LIPI: variants seen among roughly 807,000 people sequenced by gnomAD.
LIPI encodes the protein lipase member I.
In LIPI, 59 loss-of-function variants were observed where a neutral mutation model predicts 50.6. That is an observed-to-expected ratio of 1.16 (90% CI 0.94 to 1.45). The LOEUF (loss-of-function observed/expected upper bound fraction) is 1.45. Ranked by LOEUF, LIPI falls within the 40% of genes most tolerant of loss-of-function variation. The probability of loss-of-function intolerance (pLI) is 0.00; values close to 1 mark genes in which losing one functional copy is unlikely to be tolerated. For synonymous variants in LIPI, 203 were observed against 178.2 expected (o/e 1.14, Z -1.11); for missense variants, 586 against 536.3 (o/e 1.09, Z -0.92).
intron 4 of LIPI, among the ~76,000 whole-genome samples, chr21:14,176,079 G>A (rs938942962): frequency 2.6e-5 from 4 of 151,612 alleles, no homozygotes; most frequent in Non-Finnish European, 5.9e-5. Context: ...TCGGGAGGCT[G>A]AGGCAGGAGA....
Position 14,166,385 on chromosome 21 carries a change from C to A in LIPI, c.710G>T (p.Gly237Val). The A allele has an allele frequency of 1.2e-6, 2 of 1,600,220 alleles. No homozygotes were observed. Among genetic ancestry groups the A allele is most frequent in the Non-Finnish European group, 1.7e-6 (2 of 1,167,528 alleles). Residue 237 changes from glycine (G) to valine (V), a missense_variant, in exon 5 of 10, where the codon GGC becomes GTC. Transcript: ENST00000681601. ...FYPNGGNKQP[G>V]CPKSIFSGIQ... Reference sequence around the variant, plus strand: ...ACCTGAGAAAATTGATTTAGGACAGCCAGGTTGTTTATTTCCTCCATTTGG... The same window carrying A: ...ACCTGAGAAAATTGATTTAGGACAGACAGGTTGTTTATTTCCTCCATTTGG...
intron 7 of LIPI, among the ~76,000 whole-genome samples, chr21:14,159,916 C>T (rs952362822): frequency 6.6e-6 from 1 of 151,206 alleles, no homozygotes; most frequent in South Asian, 2.1e-4. Context: ...GTGGTATACA[C>T]ACAACAAAAG....
In LIPI at chr21:14,189,249, G is replaced by C; in HGVS notation, c.217C>G (p.Gln73Glu). The change falls in exon 2 of 10, where the codon CAA (glutamine) becomes GAA (glutamate). Residue 73 changes from glutamine (Q) to glutamate (E), a missense_variant. By Grantham distance (29) the Gln-to-Glu change is conservative. Transcript: ENST00000681601. ...TGAATAAGCCAGACTGTTTTCTTTTGTGTGTTGAAATTAACATTAAGTGAG... is the reference window on the plus strand; with the variant it reads ...TGAATAAGCCAGACTGTTTTCTTTTCTGTGTTGAAATTAACATTAAGTGAG... Reference protein sequence around the residue: ...NNSLNVNFNTQKKTVWLIHGY... With the variant: ...NNSLNVNFNTEKKTVWLIHGY... The C allele has an allele frequency of 6.2e-7, 1 of 1,613,946 alleles. No homozygotes were observed. The highest frequency in any genetic ancestry group is 8.5e-7 in the Non-Finnish European group (1 of 1,179,874).
intron 9 of LIPI, among the ~76,000 whole-genome samples, chr21:14,124,261 T>C (rs1320654195): frequency 6.6e-6 from 1 of 152,156 alleles, no homozygotes; most frequent in Admixed American, 6.5e-5. Context: ...AGATAAACGA[T>C]TATGGTGCTC....
intron 1 of LIPI, among the ~76,000 whole-genome samples, chr21:14,195,472 G>T (rs2019813646): frequency 1.3e-5 from 2 of 152,068 alleles, no homozygotes; most frequent in Non-Finnish European, 2.9e-5. Context: ...AGAACTTAGA[G>T]TCATCCTCCT....
intron 7 of LIPI, among the ~76,000 whole-genome samples, chr21:14,154,023 G>A (rs968347762): frequency 1.3e-5 from 2 of 152,056 alleles, no homozygotes; most frequent in Non-Finnish European, 2.9e-5. Context: ...CTCTGAAGGG[G>A]AACTTTGAAG....
At chr21:14,149,208 A>G (rs972668652) in intron 8 of LIPI, among the ~76,000 whole-genome samples, 1 of 152,178 alleles carries the variant, frequency 6.6e-6, no homozygotes, top group Admixed American at 6.5e-5. Context: ...AACATGACCT[A>G]CTTCATATGG....
At chr21:14,165,938 G>A (rs2018668596) in intron 5 of LIPI, among the ~76,000 whole-genome samples, 3 of 152,138 alleles carry the variant, frequency 2.0e-5, no homozygotes, top group African/African-American at 7.2e-5. Context: ...CCACACCTGG[G>A]GAAGTTGCTC....
intron 4 of LIPI, among the ~76,000 whole-genome samples, chr21:14,180,414 T>C (rs1276638272): frequency 1.3e-5 from 2 of 152,198 alleles, no homozygotes; most frequent in East Asian, 1.9e-4. Flanking sequence ...GTCCTACTGA[T>C]ATGTGATGTC....
chr21:14,209,390 G>A (rs540237959), intron 1 of LIPI, among the ~76,000 whole-genome samples: 1 of 152,246 alleles, frequency 6.6e-6, no homozygotes, highest in East Asian at 1.9e-4. Flanking sequence ...CTCTAGTGGA[G>A]AAGAAAGGAG....
Position 14,108,892 on chromosome 21 carries a change from T to G in LIPI, c.*101A>C. ...ATTTTTTCCAAGAAATAGAAATACT[T>G]GAATCTCAAATTGAACAGTGCATTA... On this transcript the variant is annotated 3_prime_UTR_variant, in exon 10 of 10. Transcript: ENST00000681601. 7.1e-7 allele frequency: 1 copy of G among 1,414,976 alleles called. No individual in the cohort carries two copies. The highest frequency in any genetic ancestry group is 9.8e-7 in the Non-Finnish European group (1 of 1,020,800). The allele number at this position is 1,414,976 out of a possible 1,614,324, so 87.7% of individuals were successfully genotyped here. A position where few individuals can be genotyped will look rare whatever the true frequency, so the allele number is the denominator to read the frequency against.
chr21:14,207,643 G>A (rs2123360222), intron 1 of LIPI, among the ~76,000 whole-genome samples: 1 of 152,160 alleles, frequency 6.6e-6, no homozygotes, highest in Non-Finnish European at 1.5e-5. Context: ...TAATTTCCTG[G>A]GGCCAACCCC....
intron 7 of LIPI, 106 bp downstream of exon 7, chr21:14,163,313 A>G (rs1600881368): frequency 6.2e-6 from 4 of 647,836 alleles, no homozygotes; most frequent in Non-Finnish European, 1.1e-5. Flanking sequence ...TGCCTGAAAG[A>G]ACATGATGGA....
At chr21:14,174,113 C>T (rs1447644353) in intron 4 of LIPI, among the ~76,000 whole-genome samples, 2 of 152,122 alleles carry the variant, frequency 1.3e-5, no homozygotes, top group Non-Finnish European at 2.9e-5. Context: ...TCATTTTCTC[C>T]AACCTGCCAC....
At chr21:14,112,736 C>T (rs2123298807) in intron 9 of LIPI, among the ~76,000 whole-genome samples, 1 of 152,106 alleles carries the variant, frequency 6.6e-6, no homozygotes, top group South Asian at 2.1e-4. Context: ...TCTTATAAGA[C>T]ATCATGCTTT....
chr21:14,126,140 A>T (rs370841819), intron 9 of LIPI, among the ~76,000 whole-genome samples: 16 of 152,186 alleles, frequency 1.1e-4, no homozygotes, highest in African/African-American at 3.9e-4. Flanking sequence ...AGAGACTGGC[A>T]GTTTCTTATA....
intron 4 of LIPI, among the ~76,000 whole-genome samples, chr21:14,180,838 A>G (rs1340166801): frequency 1.3e-5 from 2 of 152,198 alleles, no homozygotes; most frequent in Non-Finnish European, 2.9e-5. Context: ...ACACACAGAC[A>G]CATAAACCCA....
At chr21:14,140,593 CA>C (rs150152206) in intron 9 of LIPI, among the ~76,000 whole-genome samples, 2,894 of 151,994 alleles carry the variant, frequency 0.019, 37 homozygotes, top group Non-Finnish European at 0.029. Context: ...GATTTTCCTC[CA>C]TTTTTTTGTT....
chr21:14,150,230 C>T (rs1248667925), intron 8 of LIPI, among the ~76,000 whole-genome samples: 1 of 152,184 alleles, frequency 6.6e-6, no homozygotes, highest in Non-Finnish European at 1.5e-5. Flanking sequence ...ATTCAATTAT[C>T]TCAACCTGGT....
Sources: gnomAD v4.1 joint callset for allele counts (sites outside exome capture counted in the v4.1 genomes callset) on GRCh38, gnomAD v4.1.1 for gene constraint, MANE v1.5 for transcripts, NCBI Gene and HGNC (gene_info 2026-07-23, HGNC 2026-07-21) for gene names.